CASTOR2: variants seen among roughly 807,000 people sequenced by gnomAD.
The protein encoded by CASTOR2 is GATS protein like 2.
A neutral mutation model predicts 31.2 loss-of-function variants in CASTOR2; 8 were observed. The observed-to-expected ratio is 0.26, with a 90% CI of 0.15 to 0.46. The LOEUF (loss-of-function observed/expected upper bound fraction) is 0.46. CASTOR2 is among the 20% of genes least tolerant of loss of function. CASTOR2 has a pLI of 0.99. For synonymous variants in CASTOR2, 162 were observed against 158.7 expected, an observed-to-expected ratio of 1.02 and a Z score of -0.16; for missense variants, 216 against 382.1, an observed-to-expected ratio of 0.57 and a Z score of 3.62.
intron 2 of CASTOR2, among the ~76,000 whole-genome samples, chr7:75,009,652 G>A (rs1455275614): frequency 1.3e-5 from 2 of 151,788 alleles, no homozygotes; most frequent in African/African-American, 4.8e-5. Flanking sequence ...TTAATGGAGG[G>A]GCACTTTCCA....
chr7:74,973,055 C>A (rs1554435264), intron 1 of CASTOR2, among the ~76,000 whole-genome samples: 1 of 149,506 alleles, frequency 6.7e-6, no homozygotes, highest in Non-Finnish European at 1.5e-5. Context: ...TCATTCCTCG[C>A]AACACATTGG....
intron 2 of CASTOR2, among the ~76,000 whole-genome samples, chr7:75,014,440 A>T (rs1281295327): frequency 2.0e-5 from 3 of 148,076 alleles, no homozygotes; most frequent in South Asian, 2.2e-4. Context: ...AAAAAAAAAA[A>T]GTAGAGCCAG....
intron 5 of CASTOR2, 115 bp from the exon 6 acceptor site, chr7:75,019,924 C>A (rs1804953588): frequency 1.1e-6 from 1 of 890,148 alleles, no homozygotes; most frequent in South Asian, 1.7e-5. Flanking sequence ...AGGACACTGG[C>A]CCAGGGTCAC....
intron 1 of CASTOR2, among the ~76,000 whole-genome samples, chr7:74,971,156 C>T (rs1207219470): frequency 1.1e-4 from 15 of 141,932 alleles, no homozygotes; most frequent in Admixed American, 2.1e-4. Context: ...CCACCATGCC[C>T]GGCTAATTTT....
At chr7:75,002,524 G>A (rs1804520241) in intron 1 of CASTOR2, among the ~76,000 whole-genome samples, 1 of 152,270 alleles carries the variant, frequency 6.6e-6, no homozygotes, top group East Asian at 1.9e-4. Flanking sequence ...GGGAGGCTGA[G>A]GCTGGAGAAT....
At chr7:75,006,557 T>A (rs1804609817) in intron 1 of CASTOR2, among the ~76,000 whole-genome samples, 1 of 152,172 alleles carries the variant, frequency 6.6e-6, no homozygotes, top group Non-Finnish European at 1.5e-5. Context: ...CATTTGCATC[T>A]TTTGAGAGAG....
chr7:75,028,384 G>A lies in CASTOR2; in HGVS notation c.*3685G>A, dbSNP rs1188256066. On this transcript the variant is annotated 3_prime_UTR_variant, in exon 9 of 9. Coordinates refer to ENST00000616305, the MANE Select transcript of CASTOR2 (RefSeq NM_001145064.3). ...GATCCACCCACCTTGGCCTCCCGAA[G>A]TGCTGGGATTACAGGCATGAGCCAC... is the stretch of plus-strand genomic sequence containing the variant. 1.3e-5 allele frequency among the ~76,000 whole-genome samples: 2 copies of A among 152,152 alleles called. No homozygotes were observed. The highest frequency in any genetic ancestry group is 2.9e-5 in the Non-Finnish European group (2 of 68,016).
Position 75,027,589 on chromosome 7 carries a change from G to A in CASTOR2, c.*2890G>A, listed in dbSNP as rs975622661. On this transcript the variant is annotated 3_prime_UTR_variant, in exon 9 of 9. Coordinates refer to ENST00000616305, the MANE Select transcript of CASTOR2 (RefSeq NM_001145064.3). ...GGGGCTGCTCCTGGGGACTGGCCTC[G>A]TGTCATGGAGAAAAGCATGTGTGTC... The A allele has an allele frequency of 9.9e-5, 18 of 182,450 alleles. No homozygotes were observed. Among genetic ancestry groups the A allele is most frequent in the Non-Finnish European group, 1.6e-4 (14 of 86,118 alleles). 11.3% of individuals were successfully genotyped at this position (182,450 alleles called of 1,614,324 possible). A position where few individuals can be genotyped will look rare whatever the true frequency, so the allele number is the denominator to read the frequency against.
At chr7:74,989,708 C>G (rs1423059403) in intron 1 of CASTOR2, among the ~76,000 whole-genome samples, 1 of 151,944 alleles carries the variant, frequency 6.6e-6, no homozygotes, top group Non-Finnish European at 1.5e-5. Flanking sequence ...ATCACTGCAC[C>G]CAGCCTGGAT....
intron 2 of CASTOR2, among the ~76,000 whole-genome samples, chr7:75,008,290 C>T (rs1226231724): frequency 6.6e-6 from 1 of 151,944 alleles, no homozygotes; most frequent in East Asian, 1.9e-4. Flanking sequence ...GTCCCCTCCC[C>T]TCCTGCTCTT....
At chr7:74,996,622 C>T (rs1804353389) in intron 1 of CASTOR2, among the ~76,000 whole-genome samples, 1 of 145,118 alleles carries the variant, frequency 6.9e-6, no homozygotes, top group Admixed American at 7.2e-5. Flanking sequence ...CTGGTTATGT[C>T]AGGGAAAGAC....
chr7:75,028,051 G>T lies in CASTOR2; in HGVS notation c.*3352G>T, dbSNP rs971299370. On this transcript the variant is annotated 3_prime_UTR_variant, in exon 9 of 9. Coordinates refer to ENST00000616305, the MANE Select transcript of CASTOR2 (RefSeq NM_001145064.3). ...AGGTAATCAGAGGAGTGGGCCTGTT[G>T]TCTTGGCGCTGGCGGATGGGGCAGG... 120 of 1,534,296 alleles carry T rather than the reference G, an allele frequency of 7.8e-5. 1 individual carries two copies. The highest frequency in any genetic ancestry group is 9.8e-5 in the Admixed American group (5 of 50,934).
intron 1 of CASTOR2, among the ~76,000 whole-genome samples, chr7:75,000,324 C>T (rs1288889791): frequency 5.3e-5 from 8 of 152,214 alleles, no homozygotes; most frequent in East Asian, 3.9e-4. Flanking sequence ...CAGGGGTGGG[C>T]GGTCTCCAGA....
chr7:75,012,742 G>A (rs1476918973), intron 2 of CASTOR2, among the ~76,000 whole-genome samples: 1 of 151,864 alleles, frequency 6.6e-6, no homozygotes, highest in Non-Finnish European at 1.5e-5. Context: ...GGGTTCAAGC[G>A]ATTCTCCTGC....
At chr7:75,008,889 G>A (rs1804665019) in intron 2 of CASTOR2, among the ~76,000 whole-genome samples, 2 of 152,282 alleles carry the variant, frequency 1.3e-5, no homozygotes, top group Non-Finnish European at 2.9e-5. Flanking sequence ...GTTTGAGACT[G>A]TAGTGTGCCA....
At chr7:75,024,025 C>T (rs1028486061) in intron 7 of CASTOR2, among the ~76,000 whole-genome samples, 32 of 152,070 alleles carry the variant, frequency 2.1e-4, no homozygotes, top group African/African-American at 7.2e-4. Context: ...CGGTGGCTCA[C>T]GCCTGTAATT....
At chr7:74,995,290 C>G (rs1554437802) in intron 1 of CASTOR2, among the ~76,000 whole-genome samples, 37 of 151,736 alleles carry the variant, frequency 2.4e-4, no homozygotes, top group African/African-American at 8.7e-4. Flanking sequence ...CAGGGAGGTG[C>G]TTGGGAGAGT....
intron 1 of CASTOR2, among the ~76,000 whole-genome samples, chr7:74,969,314 C>T (rs1170580441): frequency 1.1e-5 from 1 of 93,078 alleles, no homozygotes; most frequent in Non-Finnish European, 2.1e-5. Flanking sequence ...ATAGGGTCTT[C>T]TTCTGTCACC....
chr7:75,001,378 T>C (rs1402212292), intron 1 of CASTOR2, among the ~76,000 whole-genome samples: 1 of 152,094 alleles, frequency 6.6e-6, no homozygotes, highest in East Asian at 1.9e-4. Flanking sequence ...GCGCCCGGCC[T>C]CCCACCTGGA....
Sources: allele counts gnomAD v4.1 joint callset (sites outside exome capture counted in the v4.1 genomes callset), GRCh38; gene constraint gnomAD v4.1.1; transcripts MANE v1.5; gene names NCBI Gene and HGNC (gene_info 2026-07-23, HGNC 2026-07-21).